TMEM132D: variants seen among roughly 807,000 people sequenced by gnomAD.
TMEM132D encodes transmembrane protein 132D.
Under a neutral mutation model 62.3 loss-of-function variants are expected in TMEM132D, and 21 were observed. The ratio of observed to expected loss-of-function variants is 0.34; its 90% CI spans 0.24 to 0.49. The LOEUF (loss-of-function observed/expected upper bound fraction) is 0.49. TMEM132D is among the 20% of genes least tolerant of loss of function. The pLI is 0.99. For missense variants in TMEM132D, 1,346 were observed against 1,402.8 expected, an observed-to-expected ratio of 0.96 and a Z score of 0.65; for synonymous variants, 621 against 575.6, an observed-to-expected ratio of 1.08 and a Z score of -1.13.
intron 2 of TMEM132D, among the ~76,000 whole-genome samples, chr12:129,569,975 C>T (rs1877466604): frequency 6.6e-6 from 1 of 152,080 alleles, no homozygotes. Flanking sequence ...TGCTGAATGG[C>T]AAATAAAGCC....
chr12:129,831,929 G>A (rs1321060870), intron 1 of TMEM132D, among the ~76,000 whole-genome samples: 1 of 143,510 alleles, frequency 7.0e-6, no homozygotes, highest in Non-Finnish European at 1.5e-5. Flanking sequence ...GAGTGCAGTA[G>A]CACGATCTCA....
At chr12:129,740,896 T>C (rs1273746868) in intron 1 of TMEM132D, among the ~76,000 whole-genome samples, 1 of 152,236 alleles carries the variant, frequency 6.6e-6, no homozygotes, top group Non-Finnish European at 1.5e-5. Flanking sequence ...GGATTTCCTG[T>C]ACACACTATT....
At chr12:129,422,115 T>A (rs1872343380) in intron 3 of TMEM132D, among the ~76,000 whole-genome samples, 1 of 132,130 alleles carries the variant, frequency 7.6e-6, no homozygotes, top group African/African-American at 3.0e-5. Flanking sequence ...AAAAAAGCTT[T>A]TCTACTTTTC....
chr12:129,874,826 G>C (rs181997010), intron 1 of TMEM132D, among the ~76,000 whole-genome samples: 1 of 151,104 alleles, frequency 6.6e-6, no homozygotes, highest in Non-Finnish European at 1.5e-5. Context: ...TCAGCCTCCC[G>C]AATAGCTGGG....
chr12:129,529,468 A>C (rs935329817), intron 3 of TMEM132D, among the ~76,000 whole-genome samples: 3 of 152,240 alleles, frequency 2.0e-5, no homozygotes, highest in African/African-American at 7.2e-5. Context: ...CTCTGTGTCC[A>C]AGATGAACTG....
chr12:129,895,851 A>T (rs1324558839), intron 1 of TMEM132D, among the ~76,000 whole-genome samples: 3 of 151,988 alleles, frequency 2.0e-5, no homozygotes, highest in Non-Finnish European at 2.9e-5. Context: ...AAGGAAGAAG[A>T]GAAAGGCTGA....
chr12:129,172,252 C>T (rs768275685), intron 5 of TMEM132D, among the ~76,000 whole-genome samples: 6 of 152,248 alleles, frequency 3.9e-5, no homozygotes, highest in Non-Finnish European at 5.9e-5. Flanking sequence ...CCTACATAGC[C>T]TTGCTCTGGA....
At chr12:129,616,344 C>T (rs866869873) in intron 2 of TMEM132D, among the ~76,000 whole-genome samples, 1 of 152,098 alleles carries the variant, frequency 6.6e-6, no homozygotes, top group Non-Finnish European at 1.5e-5. Flanking sequence ...TAGATATTAT[C>T]GGGAGAGGGA....
intron 2 of TMEM132D, among the ~76,000 whole-genome samples, chr12:129,633,931 A>G (rs1565930419): frequency 6.6e-6 from 1 of 152,178 alleles, no homozygotes; most frequent in Non-Finnish European, 1.5e-5. Context: ...CACCTAAGTT[A>G]ATAGAACAAT....
chr12:129,168,375 T>C (rs1877623461), intron 5 of TMEM132D, among the ~76,000 whole-genome samples: 1 of 152,284 alleles, frequency 6.6e-6, no homozygotes, highest in African/African-American at 2.4e-5. Context: ...ATGACCACTA[T>C]GTAATTTTTG....
intron 4 of TMEM132D, among the ~76,000 whole-genome samples, chr12:129,273,101 C>G (rs1880899586): frequency 1.3e-5 from 2 of 151,732 alleles, no homozygotes; most frequent in African/African-American, 4.9e-5. Context: ...CAGGCTGAGG[C>G]ACGAGAATCA....
intron 5 of TMEM132D, among the ~76,000 whole-genome samples, chr12:129,135,597 C>G (rs1463873606): frequency 6.6e-6 from 1 of 152,164 alleles, no homozygotes. Flanking sequence ...TGTGTTGTAT[C>G]AGTTTCTTGC....
chr12:129,756,678 T>C lies in TMEM132D; in HGVS notation c.80-55980A>G, dbSNP rs756432410. ...ACTTAGAATTAGTTAAGGTGGTAAA[T>C]TATGTGGGATGTATATTTTACCAGA... is the stretch of plus-strand genomic sequence containing the variant. On this transcript the variant is annotated intron_variant, in intron 1 of 8. Coordinates refer to ENST00000422113, the MANE Select transcript of TMEM132D (RefSeq NM_133448.3). Among the ~76,000 whole-genome samples the C allele has an allele frequency of 2.0e-5, 3 of 152,156 alleles. No homozygotes were observed. The South Asian group carries it at 6.2e-4, about 32-fold the overall frequency.
intron 2 of TMEM132D, among the ~76,000 whole-genome samples, chr12:129,668,126 C>T (rs1376890701): frequency 3.3e-5 from 5 of 150,682 alleles, no homozygotes; most frequent in South Asian, 4.3e-4. Context: ...AATAGAAAAG[C>T]GAATGGCATC....
At chr12:129,707,154 T>C (rs142942010) in intron 1 of TMEM132D, among the ~76,000 whole-genome samples, 35 of 147,232 alleles carry the variant, frequency 2.4e-4, no homozygotes, top group African/African-American at 8.1e-4. Context: ...TTAGGAAAAA[T>C]ATATATATAT....
At chr12:129,156,671 C>T (rs1159711701) in intron 5 of TMEM132D, among the ~76,000 whole-genome samples, 2 of 152,122 alleles carry the variant, frequency 1.3e-5, no homozygotes, top group Non-Finnish European at 2.9e-5. Context: ...ACCGAATCCA[C>T]TCACGAGATA....
At chr12:129,636,049 G>A (rs1023291370) in intron 2 of TMEM132D, among the ~76,000 whole-genome samples, 5 of 152,224 alleles carry the variant, frequency 3.3e-5, no homozygotes, top group Admixed American at 2.0e-4. Flanking sequence ...AGAAAGTAGT[G>A]TCTGGGTTAA....
chr12:129,700,938 C>A (rs547853444), intron 1 of TMEM132D, among the ~76,000 whole-genome samples: 1 of 152,260 alleles, frequency 6.6e-6, no homozygotes, highest in South Asian at 2.1e-4. Context: ...GTTGAGCATG[C>A]AAATAAATAC....
chr12:129,496,606 A>T (rs79904281), intron 3 of TMEM132D, among the ~76,000 whole-genome samples: 1,669 of 152,224 alleles, frequency 0.011, 31 homozygotes, highest in East Asian at 0.062. Context: ...TTCACATGGG[A>T]GGAAAGAGAA....
Sources: gnomAD v4.1 joint callset for allele counts (sites outside exome capture counted in the v4.1 genomes callset) on GRCh38, gnomAD v4.1.1 for gene constraint, MANE v1.5 for transcripts, NCBI Gene and HGNC (gene_info 2026-07-23, HGNC 2026-07-21) for gene names.